HS6ST3: variants seen among roughly 807,000 people sequenced by gnomAD.
HS6ST3 encodes heparan sulfate 6-O-sulfotransferase 3.
HS6ST3 carries 12 observed loss-of-function variants against 36.7 expected under a neutral mutation model. The observed-to-expected ratio is 0.33, with a 90% CI of 0.21 to 0.53. HS6ST3 has a LOEUF of 0.53. Among genes scored for constraint, HS6ST3 ranks in the 20% least tolerant of loss-of-function variants. The pLI, the probability that HS6ST3 is intolerant of heterozygous loss-of-function variation, is 0.95. For missense variants in HS6ST3, 584 were observed against 640.9 expected, an observed-to-expected ratio of 0.91 and a Z score of 0.96; for synonymous variants, 240 against 257.5, an observed-to-expected ratio of 0.93 and a Z score of 0.65.
chr13:96,736,675 C>T (rs919243511), intron 1 of HS6ST3, among the ~76,000 whole-genome samples: 1 of 152,042 alleles, frequency 6.6e-6, no homozygotes, highest in Admixed American at 6.5e-5. Flanking sequence ...AGAATAAGAA[C>T]ATTTGCAAAA....
intron 1 of HS6ST3, among the ~76,000 whole-genome samples, chr13:96,456,165 A>T (rs1274679548): frequency 6.6e-6 from 1 of 152,224 alleles, no homozygotes; most frequent in South Asian, 2.1e-4. Flanking sequence ...TAGTAGAATG[A>T]CTACAGTAGG....
intron 1 of HS6ST3, among the ~76,000 whole-genome samples, chr13:96,437,658 T>C (rs1266386525): frequency 6.6e-6 from 1 of 152,158 alleles, no homozygotes; most frequent in Non-Finnish European, 1.5e-5. Context: ...TTTTCAGAAA[T>C]GAGGGGGACA....
chr13:96,752,200 G>T (rs888572095), intron 1 of HS6ST3, among the ~76,000 whole-genome samples: 3 of 151,654 alleles, frequency 2.0e-5, no homozygotes, highest in Admixed American at 2.0e-4. Context: ...ATTCAACAAA[G>T]GTTTCTAACA....
At chr13:96,740,319 A>T (rs1359563804) in intron 1 of HS6ST3, among the ~76,000 whole-genome samples, 1 of 152,162 alleles carries the variant, frequency 6.6e-6, no homozygotes, top group Non-Finnish European at 1.5e-5. Context: ...TTCTGGAAGG[A>T]TTCATGAGAG....
At chr13:96,314,585 A>G (rs529379569) in intron 1 of HS6ST3, among the ~76,000 whole-genome samples, 3 of 152,328 alleles carry the variant, frequency 2.0e-5, no homozygotes, top group South Asian at 2.1e-4. Context: ...GAGGGTAGAT[A>G]TTTTATGTTA....
At position 96,836,025 on chromosome 13, in the gene HS6ST3, G is replaced by A. The variant is rs1268851404; in HGVS notation, c.*2827G>A. On this transcript the variant is annotated 3_prime_UTR_variant, in exon 2 of 2. Transcript: ENST00000376705. Reference sequence around the variant, plus strand: ...CTATGTTGATAGAAATGGAGAGGTAGGGATACAGTTTATTCTCCAAAAATG... The same window carrying A: ...CTATGTTGATAGAAATGGAGAGGTAAGGATACAGTTTATTCTCCAAAAATG... 1 of 152,190 alleles carries A rather than the reference G, an allele frequency of 6.6e-6. No individual in the cohort carries two copies. Among genetic ancestry groups the A allele is most frequent in the African/African-American group, 2.4e-5 (1 of 41,444 alleles). 9.4% of individuals were successfully genotyped at this position (152,190 alleles called of 1,614,324 possible).
At position 96,135,703 on chromosome 13, in the gene HS6ST3, A is replaced by T. The variant is rs189776972; in HGVS notation, c.707+44134A>T. Among the ~76,000 whole-genome samples the T allele has an allele frequency of 5.9e-5, 9 of 152,214 alleles. No individual in the cohort carries two copies. In the East Asian group the frequency reaches 1.5e-3, roughly 26 times the overall value. ...TGGGCTAATAGGGCCGTTGTTAGGG[A>T]GGTGTTGTGCCTATTAACTTCAGCA... On this transcript the variant is annotated intron_variant, in intron 1 of 1. Transcript: ENST00000376705.
chr13:96,595,010 T>G (rs534253204), intron 1 of HS6ST3, among the ~76,000 whole-genome samples: 1 of 152,296 alleles, frequency 6.6e-6, no homozygotes, highest in South Asian at 2.1e-4. Flanking sequence ...TTGGTAGCTT[T>G]TCTTTTTTCT....
chr13:96,630,555 G>T (rs2056528539), intron 1 of HS6ST3, among the ~76,000 whole-genome samples: 2 of 151,988 alleles, frequency 1.3e-5, no homozygotes, highest in Non-Finnish European at 2.9e-5. Flanking sequence ...CCACTTTGGG[G>T]TCTCAGCTTT....
intron 1 of HS6ST3, among the ~76,000 whole-genome samples, chr13:96,465,436 C>T (rs1282116083): frequency 6.6e-6 from 1 of 152,138 alleles, no homozygotes; most frequent in Non-Finnish European, 1.5e-5. Flanking sequence ...TGAGACTTCC[C>T]ACGGATAAAT....
At chr13:96,709,072 C>G (rs1426517357) in intron 1 of HS6ST3, among the ~76,000 whole-genome samples, 1 of 152,198 alleles carries the variant, frequency 6.6e-6, no homozygotes, top group East Asian at 1.9e-4. Flanking sequence ...AGGTGATTGG[C>G]TCATGGGGGC....
chr13:96,445,498 CTACAT>C (rs138055266), intron 1 of HS6ST3, among the ~76,000 whole-genome samples: 3,298 of 152,152 alleles, frequency 0.022, 38 homozygotes, highest in Non-Finnish European at 0.034. Context: ...ATTAAACACT[CTACAT>C]TAACCCCATG....
intron 1 of HS6ST3, among the ~76,000 whole-genome samples, chr13:96,187,762 G>C (rs981654551): frequency 2.0e-5 from 3 of 152,192 alleles, no homozygotes; most frequent in African/African-American, 4.8e-5. Flanking sequence ...CCGTGTTGGT[G>C]TTCCATTCTA....
intron 1 of HS6ST3, among the ~76,000 whole-genome samples, chr13:96,519,255 T>C (rs2056084177): frequency 6.6e-6 from 1 of 152,194 alleles, no homozygotes; most frequent in Non-Finnish European, 1.5e-5. Context: ...TCTGATTGAC[T>C]CTAACATTTT....
chr13:96,599,830 C>G (rs2056415021), intron 1 of HS6ST3, among the ~76,000 whole-genome samples: 1 of 152,018 alleles, frequency 6.6e-6, no homozygotes, highest in Admixed American at 6.6e-5. Context: ...CAACTTGTTT[C>G]ACTATTGTCA....
chr13:96,132,983 T>C (rs2053983594), intron 1 of HS6ST3, among the ~76,000 whole-genome samples: 1 of 152,178 alleles, frequency 6.6e-6, no homozygotes, highest in Non-Finnish European at 1.5e-5. Flanking sequence ...TTATTTGTTT[T>C]CTTGCTATTG....
intron 1 of HS6ST3, among the ~76,000 whole-genome samples, chr13:96,152,769 A>G (rs2054092904): frequency 6.6e-6 from 1 of 152,084 alleles, no homozygotes; most frequent in Non-Finnish European, 1.5e-5. Flanking sequence ...GGCTTCTCTG[A>G]ATGAAATTTC....
At chr13:96,264,208 A>G (rs956268798) in intron 1 of HS6ST3, among the ~76,000 whole-genome samples, 4 of 152,110 alleles carry the variant, frequency 2.6e-5, no homozygotes, top group African/African-American at 9.7e-5. Flanking sequence ...TGCATCTTCC[A>G]TGTTTATGCA....
At position 96,172,807 on chromosome 13, in the gene HS6ST3, T is replaced by C. The variant is rs187449731; in HGVS notation, c.707+81238T>C. Among the ~76,000 whole-genome samples, 13 of 152,292 alleles carry C rather than the reference T, an allele frequency of 8.5e-5. No homozygotes were observed. In the East Asian group the frequency reaches 1.2e-3, roughly 14 times the overall value. ...GTGTTGCTTACATTGTCTTTTAATA[T>C]TGAGCAAATAGTGAAAAGTATTAAT... On this transcript the variant is annotated intron_variant, in intron 1 of 1. Transcript: ENST00000376705.
Sources: gnomAD v4.1 joint callset for allele counts (sites outside exome capture counted in the v4.1 genomes callset) on GRCh38, gnomAD v4.1.1 for gene constraint, MANE v1.5 for transcripts, NCBI Gene and HGNC (gene_info 2026-07-23, HGNC 2026-07-21) for gene names.